METTL25: variants seen among roughly 807,000 people sequenced by gnomAD.
METTL25 encodes the protein methyltransferase like 25.
A neutral mutation model predicts 71.6 loss-of-function variants in METTL25; 64 were observed. The ratio of observed to expected loss-of-function variants is 0.89; its 90% confidence interval spans 0.73 to 1.10. The LOEUF is 1.10. Among genes scored for constraint, METTL25 ranks in the 50% least tolerant of loss-of-function variants. The probability of loss-of-function intolerance (pLI) is 0.00; values close to 1 mark genes in which losing one functional copy is unlikely to be tolerated. For missense variants in METTL25, 807 were observed against 707.0 expected (o/e 1.14, Z -1.60); for synonymous variants, 287 against 250.3 (o/e 1.15, Z -1.38).
intron 1 of METTL25, among the ~76,000 whole-genome samples, chr12:82,363,895 G>A (rs1036293003): frequency 2.0e-5 from 3 of 152,128 alleles, no homozygotes; most frequent in African/African-American, 7.2e-5. Context: ...TTGGGCTAAC[G>A]TGTTGGATTT....
rs1167932052 is a variant in METTL25, at chr12:82,441,407, TAGGA to T, written c.1478+2618_1478+2621del. Among the ~76,000 whole-genome samples, 6 of 151,942 alleles carry T rather than the reference TAGGA, an allele frequency of 3.9e-5. No homozygotes were observed. In the East Asian group the frequency reaches 1.2e-3, roughly 30 times the overall value. ...ACTACAGTCAACAGAAATGTACCCTTAGGAAAGCCAGAGAAAGGCTTAAAATAAC... is the reference window on the plus strand; with the variant it reads ...ACTACAGTCAACAGAAATGTACCCTTAAGCCAGAGAAAGGCTTAAAATAAC... On this transcript the variant is annotated intron_variant, in intron 8 of 11. Transcript: ENST00000248306.
chr12:82,453,698 A>T (rs1380668086), intron 8 of METTL25, among the ~76,000 whole-genome samples: 5 of 152,232 alleles, frequency 3.3e-5, no homozygotes, highest in South Asian at 4.1e-4. Context: ...TATTTGTATA[A>T]CTAAGCCTGC....
chr12:82,401,797 T>A (rs148917562), intron 4 of METTL25, among the ~76,000 whole-genome samples: 1 of 152,216 alleles, frequency 6.6e-6, no homozygotes, highest in East Asian at 1.9e-4. Flanking sequence ...TTAATATACC[T>A]ATATTCACAG....
intron 8 of METTL25, 180 bp downstream of exon 8, chr12:82,438,971 G>A (rs1890131604): frequency 2.6e-6 from 1 of 391,624 alleles, no homozygotes; most frequent in East Asian, 3.9e-5. Context: ...TTAAAGTGGG[G>A]GCTCTAATGA....
chr12:82,478,174 T>C (rs1294428598), intron 11 of METTL25, among the ~76,000 whole-genome samples: 4 of 151,798 alleles, frequency 2.6e-5, no homozygotes, highest in African/African-American at 9.7e-5. Context: ...GGTTCCTAAG[T>C]TAGTGGGTGA....
intron 3 of METTL25, among the ~76,000 whole-genome samples, chr12:82,396,405 A>G (rs760264673): frequency 2.0e-5 from 3 of 152,108 alleles, no homozygotes; most frequent in Non-Finnish European, 4.4e-5. Context: ...AAGACCTTGA[A>G]ACGTTTTGAG....
At chr12:82,387,713 G>GCTCA (rs1314906771) in intron 2 of METTL25, among the ~76,000 whole-genome samples, 2,288 of 30,246 alleles carry the variant, frequency 0.076, 50 homozygotes, top group African/African-American at 0.13. Flanking sequence ...ACACACACAC[G>GCTCA]CGCACACACA....
chr12:82,449,815 T>C lies in METTL25; in HGVS notation c.1479-6912T>C, dbSNP rs1185430704. Among the ~76,000 whole-genome samples, 3 of 47,452 alleles carry C rather than the reference T, an allele frequency of 6.3e-5. No individual in the cohort carries two copies. In the East Asian group the frequency reaches 8.4e-3, roughly 133 times the overall value. The allele number at this position is 47,452 out of a possible 152,430, so 31.1% of individuals were successfully genotyped here. The stretch of plus-strand genomic sequence containing the variant: ...GATTCTAAAAATCCTCTGCACCCAA[T>C]TTTCCCCTCTAACCACTGTCCTATG... On this transcript the variant is annotated intron_variant, in intron 8 of 11. Coordinates refer to ENST00000248306, the MANE Select transcript of METTL25 (RefSeq NM_032230.3).
At chr12:82,472,644 A>T (rs183813055) in intron 9 of METTL25, among the ~76,000 whole-genome samples, 1 of 152,050 alleles carries the variant, frequency 6.6e-6, no homozygotes, top group African/African-American at 2.4e-5. Context: ...GAAGCTCTCA[A>T]TTGTATTTTT....
At chr12:82,434,847 C>A in intron 7 of METTL25, 123 bp downstream of exon 7, 1 of 806,152 alleles carries the variant, frequency 1.2e-6, no homozygotes, top group Non-Finnish European at 2.1e-6. Context: ...GATGCATATT[C>A]AAATTTGTGC....
chr12:82,364,553 C>T (rs758046406), intron 1 of METTL25, among the ~76,000 whole-genome samples: 35 of 152,192 alleles, frequency 2.3e-4, no homozygotes, highest in Non-Finnish European at 4.9e-4. Context: ...AGTTCAAGGT[C>T]AGCTATGAGC....
At chr12:82,370,088 C>T (rs933971030) in intron 1 of METTL25, among the ~76,000 whole-genome samples, 13 of 152,122 alleles carry the variant, frequency 8.5e-5, no homozygotes, top group Non-Finnish European at 1.6e-4. Context: ...TGTTGGGAAT[C>T]GGCCAGTGAC....
At chr12:82,439,956 C>A in intron 8 of METTL25, 1 of 313,976 alleles carries the variant, frequency 3.2e-6, no homozygotes, top group Non-Finnish European at 4.6e-6. Context: ...CAACGCTCCA[C>A]ATGCCTGTGT....
At chr12:82,470,048 A>G (rs1892479112) in intron 9 of METTL25, among the ~76,000 whole-genome samples, 1 of 152,178 alleles carries the variant, frequency 6.6e-6, no homozygotes. Context: ...GACTCCACAA[A>G]TCTTGTGTCC....
chr12:82,437,895 G>T (rs756194369), intron 7 of METTL25, among the ~76,000 whole-genome samples: 11 of 151,686 alleles, frequency 7.3e-5, no homozygotes, highest in Non-Finnish European at 1.2e-4. Flanking sequence ...ATTATTTTGT[G>T]TTGGATGTTC....
At chr12:82,411,193 A>G (rs1195219781) in intron 5 of METTL25, among the ~76,000 whole-genome samples, 1 of 151,970 alleles carries the variant, frequency 6.6e-6, no homozygotes, top group Non-Finnish European at 1.5e-5. Context: ...TTTGTGTACC[A>G]TGGCAAACTT....
At chr12:82,449,208 A>T (rs1305323141) in intron 8 of METTL25, among the ~76,000 whole-genome samples, 1 of 152,102 alleles carries the variant, frequency 6.6e-6, no homozygotes, top group East Asian at 1.9e-4. Flanking sequence ...GCCCTTTTTA[A>T]TCTGTTCTTA....
At chr12:82,469,920 T>C (rs1892469655) in intron 9 of METTL25, among the ~76,000 whole-genome samples, 1 of 152,184 alleles carries the variant, frequency 6.6e-6, no homozygotes, top group African/African-American at 2.4e-5. Flanking sequence ...AAACTCTGTG[T>C]AGTCAGCCTC....
At chr12:82,369,150 A>G (rs548397635) in intron 1 of METTL25, among the ~76,000 whole-genome samples, 2 of 152,298 alleles carry the variant, frequency 1.3e-5, no homozygotes, top group Admixed American at 6.5e-5. Flanking sequence ...CTCATATTGC[A>G]TCTTCTTTCA....
Sources: gnomAD v4.1 joint callset for allele counts (sites outside exome capture counted in the v4.1 genomes callset) on GRCh38, gnomAD v4.1.1 for gene constraint, MANE v1.5 for transcripts, NCBI Gene and HGNC (gene_info 2026-07-23, HGNC 2026-07-21) for gene names.